TDP1: variants seen among roughly 807,000 people sequenced by gnomAD.
The protein encoded by TDP1 is tyrosyl-DNA phosphodiesterase 1, also known as tyr-DNA phosphodiesterase 1.
In TDP1, 64 loss-of-function variants were observed where a neutral mutation model predicts 81.5. That is an observed-to-expected ratio of 0.79 (90% CI 0.64 to 0.97). The LOEUF is 0.97. Among genes scored for constraint, TDP1 ranks in the 50% least tolerant of loss-of-function variants. TDP1 has a pLI of 0.00. For synonymous variants in TDP1, 256 were observed against 264.3 expected (o/e 0.97, Z 0.30); for missense variants, 723 against 743.8 (o/e 0.97, Z 0.33).
At chr14:89,961,018 A>T (rs767662688) in intron 2 of TDP1, among the ~76,000 whole-genome samples, 1 of 152,134 alleles carries the variant, frequency 6.6e-6, no homozygotes, top group Admixed American at 6.5e-5. Context: ...CATCCCAGGG[A>T]GGAGAGGGTA....
At chr14:89,973,342 T>C (rs1197110307) in intron 6 of TDP1, among the ~76,000 whole-genome samples, 2 of 152,216 alleles carry the variant, frequency 1.3e-5, no homozygotes, top group African/African-American at 2.4e-5. Flanking sequence ...GGAAATAAAG[T>C]CTTTTTCAAA....
chr14:90,000,366 G>C (rs2140170592), intron 14 of TDP1, among the ~76,000 whole-genome samples: 1 of 152,278 alleles, frequency 6.6e-6, no homozygotes, highest in Middle Eastern at 3.4e-3. Flanking sequence ...ATGTGCACCA[G>C]GGGCCATCTT....
At chr14:90,015,785 C>T (rs1489120432) in intron 14 of TDP1, among the ~76,000 whole-genome samples, 5 of 152,116 alleles carry the variant, frequency 3.3e-5, no homozygotes, top group African/African-American at 1.2e-4. Flanking sequence ...ACCCAAAGCC[C>T]CTGCTCCTGA....
chr14:89,967,397 G>A lies in TDP1; in HGVS notation c.634G>A (p.Val212Ile), dbSNP rs763611818. Reference protein sequence around the residue: ...FNYCFDVDWLVKQYPPEFRKK... With the variant: ...FNYCFDVDWLIKQYPPEFRKK... ...CTACTGCTTTGACGTGGACTGGCTC[G>A]TAAAACAGTATCCACCAGAGTTCAG... Residue 212 changes from valine (V) to isoleucine (I), a missense_variant, in exon 5 of 17, where the codon GTA becomes ATA. Coordinates refer to ENST00000335725, the MANE Select transcript of TDP1 (RefSeq NM_018319.4). 1.1e-5 allele frequency: 18 copies of A among 1,609,752 alleles called. No homozygotes were observed. Among genetic ancestry groups the A allele is most frequent in the East Asian group, 6.8e-5 (3 of 44,384 alleles).
chr14:89,994,797 C>T (rs779988740), intron 14 of TDP1, among the ~76,000 whole-genome samples: 6 of 152,044 alleles, frequency 3.9e-5, no homozygotes, highest in Non-Finnish European at 8.8e-5. Flanking sequence ...TGTAAGTAGG[C>T]CTAGAAGTAA....
chr14:90,009,984 C>T (rs138585364), intron 14 of TDP1, among the ~76,000 whole-genome samples: 1 of 152,280 alleles, frequency 6.6e-6, no homozygotes, highest in African/African-American at 2.4e-5. Flanking sequence ...ACAAAATTAA[C>T]TTCAGATGTA....
intron 14 of TDP1, among the ~76,000 whole-genome samples, chr14:90,016,962 A>G (rs1885387471): frequency 6.6e-6 from 1 of 152,128 alleles, no homozygotes; most frequent in South Asian, 2.1e-4. Context: ...CAGCAACAAC[A>G]CAAACCACAG....
At chr14:89,997,307 G>A (rs1289718366) in intron 14 of TDP1, among the ~76,000 whole-genome samples, 1 of 152,154 alleles carries the variant, frequency 6.6e-6, no homozygotes, top group African/African-American at 2.4e-5. Flanking sequence ...ATGAAGCCTA[G>A]GATTGAAGTG....
intron 15 of TDP1, among the ~76,000 whole-genome samples, chr14:90,019,719 C>T (rs8020103): frequency 0.031 from 4,689 of 152,134 alleles, 110 homozygotes; most frequent in African/African-American, 0.067. Flanking sequence ...AGATTTATCT[C>T]GAGGTGGTAG....
rs770452022 is a variant in TDP1 at position 90,043,126 on chromosome 14, A to T, written c.1810A>T (p.Met604Leu). ...YVKAPDTHGNMWVPS is the reference protein window; with the variant it reads ...YVKAPDTHGNLWVPS The stretch of plus-strand genomic sequence containing the variant: ...CAAAGCACCGGATACGCATGGGAAC[A>T]TGTGGGTGCCCTCCTGAGAATCTTG... The change falls in exon 17 of 17, where the codon ATG (methionine) becomes TTG (leucine). Residue 604 changes from methionine to leucine, a missense_variant. Physicochemically the swap from Met to Leu is conservative, Grantham distance 15 (BLOSUM62 2). Transcript: ENST00000335725. 4 of 1,614,216 alleles carry T rather than the reference A, an allele frequency of 2.5e-6. No homozygotes were observed. The highest frequency in any genetic ancestry group is 3.4e-6 in the Non-Finnish European group (4 of 1,180,032).
At chr14:90,011,615 C>G (rs1255101986) in intron 14 of TDP1, among the ~76,000 whole-genome samples, 2 of 152,152 alleles carry the variant, frequency 1.3e-5, no homozygotes, top group Non-Finnish European at 2.9e-5. Context: ...TATGTTTTAT[C>G]AAGGAGACTG....
intron 2 of TDP1, among the ~76,000 whole-genome samples, chr14:89,961,469 A>G (rs1378638883): frequency 7.2e-5 from 11 of 152,218 alleles, no homozygotes; most frequent in Non-Finnish European, 1.5e-4. Context: ...AAGGTAGAAC[A>G]TAGTTTAAAG....
chr14:90,004,679 C>G (rs192222829), intron 14 of TDP1, among the ~76,000 whole-genome samples: 53 of 152,284 alleles, frequency 3.5e-4, no homozygotes, highest in Admixed American at 3.5e-3. Context: ...GTGGTCCCTG[C>G]TCTCATGAAC....
intron 16 of TDP1, among the ~76,000 whole-genome samples, chr14:90,033,825 A>G (rs561596828): frequency 6.6e-6 from 1 of 152,336 alleles, no homozygotes; most frequent in South Asian, 2.1e-4. Context: ...GCACCCTTGG[A>G]GGCCGAGGCA....
In TDP1 at chr14:90,008,176, A is replaced by T. The variant is rs572866352; in HGVS notation, c.1542-11140A>T. On this transcript the variant is annotated intron_variant, in intron 14 of 16. Coordinates refer to ENST00000335725, the MANE Select transcript of TDP1 (RefSeq NM_018319.4). Reference sequence around the variant, plus strand: ...AAATTATTGGCTATTATCATTAAGCATATTGACTCACCCTCTCTCACTTCC... The same window carrying T: ...AAATTATTGGCTATTATCATTAAGCTTATTGACTCACCCTCTCTCACTTCC... Among the ~76,000 whole-genome samples, 15 of 152,336 alleles carry T rather than the reference A, an allele frequency of 9.8e-5. No homozygotes were observed. In the South Asian group the frequency reaches 1.9e-3, roughly 19 times the overall value.
intron 5 of TDP1, 95 bp downstream of exon 5, chr14:89,967,517 G>C (rs1305165035): frequency 9.1e-7 from 1 of 1,100,894 alleles, no homozygotes; most frequent in African/African-American, 1.5e-5. Flanking sequence ...CTCATCTTTT[G>C]AGTTTTTCTT....
At chr14:90,032,947 T>A in intron 15 of TDP1, 159 bp from the exon 16 acceptor site, 2 of 696,686 alleles carry the variant, frequency 2.9e-6, no homozygotes, top group Non-Finnish European at 1.8e-6. Flanking sequence ...GCGGGGGGGT[T>A]GTAAATATAT....
At chr14:90,033,970 G>A (rs917332193) in intron 16 of TDP1, among the ~76,000 whole-genome samples, 5 of 152,108 alleles carry the variant, frequency 3.3e-5, no homozygotes, top group Admixed American at 3.3e-4. Context: ...GGATGGCTGA[G>A]GTAGAAGAAT....
rs1566843768 is a variant in TDP1, at chr14:89,963,507, C to CAG, written c.393_394insAG (p.Ala132ArgfsTer82). 1.9e-6 allele frequency: 3 copies of CAG among 1,602,024 alleles called. No homozygotes were observed. Among genetic ancestry groups the CAG allele is most frequent in the Non-Finnish European group, 2.6e-6 (3 of 1,173,968 alleles). On this transcript the variant is annotated frameshift_variant, in exon 3 of 17. Coordinates refer to ENST00000335725, the MANE Select transcript of TDP1 (RefSeq NM_018319.4). LOFTEE classifies it high-confidence loss of function. The stretch of plus-strand genomic sequence containing the variant: ...CTGCCCAAAGAACTGAAAATCATGG[C>CAG]GCTCCCGCCTGCCACAGGCTCAAAG...
Sources: gnomAD v4.1 joint callset for allele counts (sites outside exome capture counted in the v4.1 genomes callset) on GRCh38, gnomAD v4.1.1 for gene constraint, MANE v1.5 for transcripts, NCBI Gene and HGNC (gene_info 2026-07-23, HGNC 2026-07-21) for gene names.